The following TARS3 variants were observed in gnomAD, a reference collection of about 807,000 sequenced individuals.
The protein encoded by TARS3 is threonine--tRNA ligase 2, cytoplasmic.
Under a neutral mutation model 103.5 loss-of-function variants are expected in TARS3, and 94 were observed. The ratio of observed to expected loss-of-function variants is 0.91; its 90% CI spans 0.77 to 1.08. The LOEUF is 1.08. TARS3 is among the 50% of genes least tolerant of loss of function. TARS3 has a pLI of 0.00. For synonymous variants in TARS3, 416 were observed against 355.4 expected (o/e 1.17, Z -1.92); for missense variants, 952 against 995.2 (o/e 0.96, Z 0.58).
At chr15:101,684,721 C>A (rs998036391) in intron 11 of TARS3, among the ~76,000 whole-genome samples, 1 of 152,202 alleles carries the variant, frequency 6.6e-6, no homozygotes, top group East Asian at 1.9e-4. Context: ...CACCTCTGCA[C>A]TTCTAGCTCC....
At chr15:101,679,851 G>C (rs1898185853) in intron 12 of TARS3, among the ~76,000 whole-genome samples, 1 of 152,216 alleles carries the variant, frequency 6.6e-6, no homozygotes, top group Admixed American at 6.5e-5. Context: ...TTTTAGAAAG[G>C]AAGTAAGGGG....
rs144253853 is a variant in TARS3, at chr15:101,686,282, T to A, written c.1321-220A>T. On this transcript the variant is annotated intron_variant, in intron 10 of 18. Coordinates refer to ENST00000335968, the MANE Select transcript of TARS3 (RefSeq NM_152334.3). ...TTGAGTATATTTATTTTATAGCATATAACAGTATATAGTATATAATGTTTT... is the reference window on the plus strand; with the variant it reads ...TTGAGTATATTTATTTTATAGCATAAAACAGTATATAGTATATAATGTTTT... Among the ~76,000 whole-genome samples, 488 of 151,798 alleles carry A rather than the reference T, an allele frequency of 3.2e-3. 1 individual carries two copies. The highest frequency in any genetic ancestry group is 0.011 in the African/African-American group (476 of 41,544).
intron 18 of TARS3, 50 bp from the exon 19 acceptor site, chr15:101,654,780 A>C (rs766210389): frequency 6.4e-7 from 1 of 1,563,596 alleles, no homozygotes; most frequent in Admixed American, 1.8e-5. Context: ...CAATTTACCA[A>C]ACATTAAGTC....
intron 4 of TARS3, among the ~76,000 whole-genome samples, chr15:101,714,051 T>C (rs1295790853): frequency 6.6e-6 from 1 of 152,186 alleles, no homozygotes; most frequent in Non-Finnish European, 1.5e-5. Flanking sequence ...ATGGACAGCT[T>C]GAAGGGCGAC....
intron 15 of TARS3, among the ~76,000 whole-genome samples, chr15:101,662,061 C>T (rs781020359): frequency 1.3e-5 from 2 of 152,112 alleles, no homozygotes; most frequent in Non-Finnish European, 2.9e-5. Flanking sequence ...GTATAATGAA[C>T]TTCCACATAC....
intron 12 of TARS3, among the ~76,000 whole-genome samples, chr15:101,681,780 A>G (rs1234715567): frequency 6.6e-6 from 1 of 152,184 alleles, no homozygotes; most frequent in Non-Finnish European, 1.5e-5. Flanking sequence ...TTACTTCCCA[A>G]AAGCCCCATT....
chr15:101,684,762 G>A (rs1195210994), intron 11 of TARS3, among the ~76,000 whole-genome samples: 1 of 152,196 alleles, frequency 6.6e-6, no homozygotes, highest in East Asian at 1.9e-4. Flanking sequence ...TATGTTCTCT[G>A]TTGAATGAAA....
chr15:101,714,985 G>A, intron 3 of TARS3, 22 bp from the exon 4 acceptor site: 1 of 1,598,082 alleles, frequency 6.3e-7, no homozygotes, highest in Non-Finnish European at 8.5e-7. Flanking sequence ...AAAGCCACTT[G>A]GGAGTTAACT....
chr15:101,661,690 T>G lies in TARS3; in HGVS notation c.2072+22A>C, dbSNP rs761896108. ...TTAAAAAGAATAATAGACATATAGT[T>G]TTTCTTTTCCATATCACTTACCATT... is the stretch of plus-strand genomic sequence containing the variant. On this transcript the variant is annotated intron_variant, in intron 16 of 18. Transcript: ENST00000335968. 4.2e-6 allele frequency: 6 copies of G among 1,434,082 alleles called. No homozygotes were observed. The South Asian group carries it at 7.2e-5, about 17-fold the overall frequency. The allele number at this position is 1,434,082 out of a possible 1,614,324, so 88.8% of individuals were successfully genotyped here.
chr15:101,654,664 C>A lies in TARS3; in HGVS notation c.2327G>T (p.Gly776Val). Residue 776 changes from glycine (G) to valine (V), a missense_variant, in exon 19 of 19, where the codon GGA (glycine) becomes GTA (valine). Physicochemically the swap from Gly to Val is moderately radical, Grantham distance 109. Around this residue, in one of 2 missense-constraint regions of TARS3, gnomAD observed 540 missense variants for 631.0 expected, o/e 0.86. Coordinates refer to ENST00000335968, the MANE Select transcript of TARS3 (RefSeq NM_152334.3). The part of the protein sequence containing the change: ...NVRTRDNKIH[G>V]EILVTSAIDK... ...AATGGCAGAAGTTACTAAAATCTCTCCATGAATTTTGTTGTCTCTTGTTCG... is the reference window on the plus strand; with the variant it reads ...AATGGCAGAAGTTACTAAAATCTCTACATGAATTTTGTTGTCTCTTGTTCG... 6.2e-7 allele frequency: 1 copy of A among 1,614,102 alleles called. No homozygotes were observed. The highest frequency in any genetic ancestry group is 8.5e-7 in the Non-Finnish European group (1 of 1,179,958).
intron 10 of TARS3, among the ~76,000 whole-genome samples, chr15:101,688,032 C>A (rs762794266): frequency 2.0e-5 from 3 of 152,098 alleles, no homozygotes; most frequent in Non-Finnish European, 4.4e-5. Context: ...TATAGCAGCA[C>A]AAACTAATGA....
chr15:101,664,234 G>A (rs181868607), intron 15 of TARS3: 1 of 152,452 alleles, frequency 6.6e-6, no homozygotes, highest in African/African-American at 2.4e-5. Context: ...CAACACCTAT[G>A]ATGGCTGGCT....
intron 16 of TARS3, among the ~76,000 whole-genome samples, chr15:101,661,160 C>CCACTCAAAAAGGACCACAAGATGCAT (rs1897362114): frequency 6.6e-6 from 1 of 152,098 alleles, no homozygotes. Flanking sequence ...ACAAGATGCA[C>CCACTCAAAAAGGACCACAAGATGCAT]CACTCAAAAT....
At chr15:101,692,925 G>A (rs186825485) in intron 10 of TARS3, among the ~76,000 whole-genome samples, 128 of 152,222 alleles carry the variant, frequency 8.4e-4, no homozygotes, top group Non-Finnish European at 1.4e-3. Context: ...TCCATCTAAG[G>A]TTGTGTGAAG....
chr15:101,677,023 T>C (rs568039171), intron 12 of TARS3, among the ~76,000 whole-genome samples: 1 of 152,304 alleles, frequency 6.6e-6, no homozygotes, highest in African/African-American at 2.4e-5. Context: ...TCTGTTCTCA[T>C]TGTTCAGTTC....
intron 16 of TARS3, among the ~76,000 whole-genome samples, chr15:101,658,642 C>G (rs1897266920): frequency 6.6e-6 from 1 of 152,138 alleles, no homozygotes; most frequent in Non-Finnish European, 1.5e-5. Context: ...AATACACGTT[C>G]ACACAAATGA....
intron 3 of TARS3, among the ~76,000 whole-genome samples, chr15:101,716,978 T>C (rs996132273): frequency 6.6e-6 from 1 of 150,870 alleles, no homozygotes; most frequent in Non-Finnish European, 1.5e-5. Context: ...TGACTCAACC[T>C]CCCAAGTAGC....
chr15:101,722,641 C>CAAA (rs1900537666), intron 2 of TARS3, among the ~76,000 whole-genome samples: 2 of 22,456 alleles, frequency 8.9e-5, no homozygotes, highest in Non-Finnish European at 1.7e-4. Flanking sequence ...CCCATCTCTA[C>CAAA]TAAAAAAAAA....
At chr15:101,678,521 T>A (rs988836552) in intron 12 of TARS3, among the ~76,000 whole-genome samples, 4 of 151,880 alleles carry the variant, frequency 2.6e-5, no homozygotes, top group Admixed American at 2.0e-4. Context: ...TTTTTATTGG[T>A]TTCTCTAGGT....
Sources: allele counts gnomAD v4.1 joint callset (sites outside exome capture counted in the v4.1 genomes callset), GRCh38; gene constraint gnomAD v4.1.1; regional missense constraint gnomAD v4.1.1; transcripts MANE v1.5; gene names NCBI Gene and HGNC (gene_info 2026-07-23, HGNC 2026-07-21).